The following CDH13 variants were observed in gnomAD, a reference collection of about 807,000 sequenced individuals.
CDH13 encodes the protein cadherin-13.
Under a neutral mutation model 63.8 loss-of-function variants are expected in CDH13, and 24 were observed. The observed-to-expected ratio is 0.38, with a 90% CI of 0.27 to 0.53. CDH13 has a LOEUF of 0.53. CDH13 is among the 20% of genes least tolerant of loss of function. CDH13 has a pLI of 0.85. For synonymous variants in CDH13, 503 were observed against 355.3 expected (o/e 1.42, Z -4.67); for missense variants, 1,049 against 903.1 (o/e 1.16, Z -2.07).
At chr16:82,659,018 C>A (rs1448511831) in intron 1 of CDH13, among the ~76,000 whole-genome samples, 1 of 152,188 alleles carries the variant, frequency 6.6e-6, no homozygotes, top group African/African-American at 2.4e-5. Flanking sequence ...GCCATCATCC[C>A]AGGCTTAGCT....
At chr16:82,763,717 A>G (rs2034942472) in intron 1 of CDH13, among the ~76,000 whole-genome samples, 1 of 152,132 alleles carries the variant, frequency 6.6e-6, no homozygotes. Flanking sequence ...GAGTCTCACT[A>G]TTATCACCCA....
At chr16:83,413,387 A>G (rs536555028) in intron 6 of CDH13, among the ~76,000 whole-genome samples, 1 of 152,166 alleles carries the variant, frequency 6.6e-6, no homozygotes, top group Non-Finnish European at 1.5e-5. Context: ...CCCAATTATT[A>G]TCAGTCACTC....
chr16:83,565,629 CCTT>C (rs1039075802), intron 7 of CDH13, among the ~76,000 whole-genome samples: 9 of 152,088 alleles, frequency 5.9e-5, no homozygotes, highest in African/African-American at 1.7e-4. Flanking sequence ...ATTTTCATCT[CCTT>C]CTTCACGTTT....
intron 2 of CDH13, among the ~76,000 whole-genome samples, chr16:83,025,315 A>G (rs542508622): frequency 6.6e-6 from 1 of 152,340 alleles, no homozygotes; most frequent in African/African-American, 2.4e-5. Context: ...ATAAAGACAT[A>G]CCTGGGACAG....
At chr16:83,548,812 T>G (rs1437690988) in intron 7 of CDH13, among the ~76,000 whole-genome samples, 2 of 152,054 alleles carry the variant, frequency 1.3e-5, no homozygotes, top group Non-Finnish European at 2.9e-5. Flanking sequence ...ATTCCACCCC[T>G]CTTTTTTCTG....
At chr16:83,679,920 C>T (rs890282689) in intron 10 of CDH13, among the ~76,000 whole-genome samples, 2 of 152,154 alleles carry the variant, frequency 1.3e-5, no homozygotes, top group East Asian at 3.8e-4. Flanking sequence ...AGAGCTAATG[C>T]AATGGGTAGG....
At position 83,238,490 on chromosome 16, in the gene CDH13, A is replaced by G. The variant is rs541078843; in HGVS notation, c.636+20993A>G. On this transcript the variant is annotated intron_variant, in intron 5 of 13. Transcript: ENST00000567109. ...TGGGGGGATTGTGGAGCTACAATTC[A>G]AGATGAGATTTGGGTCAGGACACAG... Among the ~76,000 whole-genome samples, 3 of 152,308 alleles carry G rather than the reference A, an allele frequency of 2.0e-5. No individual in the cohort carries two copies. The South Asian group carries it at 6.2e-4, about 32-fold the overall frequency.
chr16:83,684,853 T>C (rs1475462820), intron 10 of CDH13, among the ~76,000 whole-genome samples: 1 of 152,138 alleles, frequency 6.6e-6, no homozygotes, highest in Non-Finnish European at 1.5e-5. Context: ...AAATTCAAAA[T>C]GACAGTGGCT....
At chr16:82,976,708 G>C (rs896700152) in intron 2 of CDH13, among the ~76,000 whole-genome samples, 2 of 152,182 alleles carry the variant, frequency 1.3e-5, no homozygotes, top group African/African-American at 4.8e-5. Flanking sequence ...AAATAGGGCT[G>C]TTGAGTTTCT....
At chr16:83,690,258 A>G (rs994633351) in intron 10 of CDH13, among the ~76,000 whole-genome samples, 1 of 152,220 alleles carries the variant, frequency 6.6e-6, no homozygotes, top group Non-Finnish European at 1.5e-5. Context: ...AATAAATACA[A>G]TAAGTAGCAT....
At chr16:82,928,504 G>A (rs1446772607) in intron 2 of CDH13, among the ~76,000 whole-genome samples, 2 of 152,060 alleles carry the variant, frequency 1.3e-5, no homozygotes, top group Non-Finnish European at 2.9e-5. Context: ...ACACACCAGG[G>A]ATACTATCAT....
chr16:83,747,922 A>G (rs897358486), intron 10 of CDH13, among the ~76,000 whole-genome samples, 186 bp from the exon 11 acceptor site: 2 of 152,048 alleles, frequency 1.3e-5, no homozygotes, highest in Non-Finnish European at 2.9e-5. Context: ...AGTGCTTAAC[A>G]CAAAGCAGAC....
chr16:83,051,452 A>G (rs1425518157), intron 3 of CDH13, among the ~76,000 whole-genome samples: 1 of 152,252 alleles, frequency 6.6e-6, no homozygotes, highest in East Asian at 1.9e-4. Context: ...AACAAATGCT[A>G]GATACCAATA....
At chr16:82,987,327 T>C (rs946419300) in intron 2 of CDH13, among the ~76,000 whole-genome samples, 6 of 152,158 alleles carry the variant, frequency 3.9e-5, no homozygotes, top group Non-Finnish European at 5.9e-5. Context: ...TGCTGCCTCA[T>C]TGGCATGAAT....
chr16:83,196,985 A>T (rs1405106288), intron 4 of CDH13, among the ~76,000 whole-genome samples: 2 of 152,238 alleles, frequency 1.3e-5, no homozygotes, highest in African/African-American at 4.8e-5. Context: ...AAACCTGTAC[A>T]CAAATGTTCA....
intron 7 of CDH13, among the ~76,000 whole-genome samples, chr16:83,591,200 C>T (rs1314210739): frequency 6.6e-6 from 1 of 152,130 alleles, no homozygotes; most frequent in Admixed American, 6.5e-5. Flanking sequence ...TGAGCCACCG[C>T]ACCCAGCTGG....
At chr16:82,753,488 C>CT (rs1403725595) in intron 1 of CDH13, among the ~76,000 whole-genome samples, 1 of 152,168 alleles carries the variant, frequency 6.6e-6, no homozygotes. Context: ...CCCTGCTAAG[C>CT]TACAGACCTG....
At chr16:83,729,373 C>T (rs773641188) in intron 10 of CDH13, among the ~76,000 whole-genome samples, 21 of 152,060 alleles carry the variant, frequency 1.4e-4, no homozygotes, top group Non-Finnish European at 2.9e-4. Flanking sequence ...AGGAAATCAT[C>T]TTTGTATTAC....
At chr16:82,637,922 A>G (rs997309713) in intron 1 of CDH13, among the ~76,000 whole-genome samples, 3 of 152,218 alleles carry the variant, frequency 2.0e-5, no homozygotes, top group Non-Finnish European at 4.4e-5. Flanking sequence ...AAACGAGATG[A>G]ACTGAATCCC....
Sources: gnomAD v4.1 joint callset for allele counts (sites outside exome capture counted in the v4.1 genomes callset) on GRCh38, gnomAD v4.1.1 for gene constraint, MANE v1.5 for transcripts, NCBI Gene and HGNC (gene_info 2026-07-23, HGNC 2026-07-21) for gene names.